Variants in SOCS2 observed in about 807,000 individuals in gnomAD.
SOCS2 encodes the protein suppressor of cytokine signaling 2, also known as CIS-2.
Under a neutral mutation model 18.6 loss-of-function variants are expected in SOCS2, and 10 were observed. That is an observed-to-expected ratio of 0.54 (90% CI 0.33 to 0.91). SOCS2 has a LOEUF of 0.91. SOCS2 is among the 40% of genes least tolerant of loss of function. The probability of loss-of-function intolerance (pLI) is 0.02; values close to 1 mark genes in which losing one functional copy is unlikely to be tolerated. For missense variants in SOCS2, 231 were observed against 247.2 expected (o/e 0.93, Z 0.44); for synonymous variants, 104 against 104.0 (o/e 1.00, Z 0.00).
chr12:93,616,875 C>A, the SOCS2 span, among the ~76,000 whole-genome samples: 2 of 152,188 alleles, frequency 1.3e-5, no homozygotes, highest in East Asian at 3.8e-4. Flanking sequence ...CTGGATGTTT[C>A]TTCTCGATTA....
chr12:93,588,876 CCTCCCAAAGTG>C, the SOCS2 span, among the ~76,000 whole-genome samples: 7 of 152,162 alleles, frequency 4.6e-5, no homozygotes, highest in Non-Finnish European at 1.0e-4. Context: ...CCCGCCTCGG[CCTCCCAAAGTG>C]CTGGGATTAC....
At chr12:93,596,663 A>G in the SOCS2 span, among the ~76,000 whole-genome samples, 1 of 152,224 alleles carries the variant, frequency 6.6e-6, no homozygotes, top group African/African-American at 2.4e-5. Flanking sequence ...CTCCGTCTCT[A>G]CTAAAAATAC....
chr12:93,609,590 GTAA>G, the SOCS2 span, among the ~76,000 whole-genome samples: 2 of 149,864 alleles, frequency 1.3e-5, no homozygotes, highest in Admixed American at 6.7e-5. Flanking sequence ...TTATTATTTG[GTAA>G]TAATAATTTG....
chr12:93,599,153 T>G, the SOCS2 span, among the ~76,000 whole-genome samples: 3 of 150,588 alleles, frequency 2.0e-5, no homozygotes, highest in African/African-American at 7.4e-5. Context: ...ATGTCCAGTT[T>G]GCTGTTGTGC....
In SOCS2 at chr12:93,575,397, G is replaced by A; in HGVS notation, c.*218G>A. On this transcript the variant is annotated 3_prime_UTR_variant, in exon 2 of 2. Transcript: ENST00000551556. ...GAGTGATGCTTCCCTTCCTAAGGCT[G>A]ACCAAGACCTGTTGATCCTTTTAGA... 3.0e-6 allele frequency: 1 copy of A among 332,946 alleles called. No homozygotes were observed. Among genetic ancestry groups the A allele is most frequent in the South Asian group, 9.1e-5 (1 of 10,966 alleles). The allele number at this position is 332,946 out of a possible 1,614,324, so 20.6% of individuals were successfully genotyped here.
At chr12:93,588,991 C>A in the SOCS2 span, among the ~76,000 whole-genome samples, 1 of 152,184 alleles carries the variant, frequency 6.6e-6, no homozygotes, top group Non-Finnish European at 1.5e-5. Context: ...ACCCCATTTC[C>A]TCCAGCAGTT....
the SOCS2 span, among the ~76,000 whole-genome samples, chr12:93,598,006 A>ACAAGG: frequency 6.6e-6 from 1 of 152,238 alleles, no homozygotes; most frequent in Non-Finnish European, 1.5e-5. Flanking sequence ...ATGGTAGTGA[A>ACAAGG]CAAGGCAAAT....
the SOCS2 span, among the ~76,000 whole-genome samples, chr12:93,612,012 C>G: frequency 6.6e-6 from 1 of 152,094 alleles, no homozygotes; most frequent in African/African-American, 2.4e-5. Flanking sequence ...CTCAGTCAGG[C>G]CTTGTCATTT....
the SOCS2 span, among the ~76,000 whole-genome samples, chr12:93,624,752 T>C: frequency 6.6e-6 from 1 of 151,958 alleles, no homozygotes; most frequent in Non-Finnish European, 1.5e-5. Context: ...ACCCATTAAG[T>C]TGCTCCCATT....
the SOCS2 span, among the ~76,000 whole-genome samples, chr12:93,615,060 G>A: frequency 2.6e-5 from 4 of 151,862 alleles, no homozygotes; most frequent in African/African-American, 9.7e-5. Flanking sequence ...TCTTTGGGAT[G>A]ACTTCTCTGA....
chr12:93,601,552 G>A, the SOCS2 span, among the ~76,000 whole-genome samples: 1 of 152,012 alleles, frequency 6.6e-6, no homozygotes, highest in Non-Finnish European at 1.5e-5. Context: ...CAAGTGATCT[G>A]CCCGCCTCAG....
the SOCS2 span, among the ~76,000 whole-genome samples, chr12:93,625,641 G>A: frequency 1.3e-5 from 2 of 151,454 alleles, no homozygotes; most frequent in South Asian, 2.1e-4. Flanking sequence ...TTAGCTACTC[G>A]GGAGGCTGAG....
chr12:93,604,061 G>A, the SOCS2 span, among the ~76,000 whole-genome samples: 1 of 152,138 alleles, frequency 6.6e-6, no homozygotes, highest in Non-Finnish European at 1.5e-5. Flanking sequence ...TTTCTATTTT[G>A]ACAGCTCTCA....
chr12:93,586,709 C>A (rs574768692), downstream of SOCS2, among the ~76,000 whole-genome samples: 231 of 152,224 alleles, frequency 1.5e-3, no homozygotes, highest in Non-Finnish European at 1.3e-3. Context: ...TCTACTCTAA[C>A]CCAGATTGAA....
At chr12:93,615,897 A>G in the SOCS2 span, among the ~76,000 whole-genome samples, 1 of 152,318 alleles carries the variant, frequency 6.6e-6, no homozygotes, top group South Asian at 2.1e-4. Flanking sequence ...AGCCTGGCCT[A>G]GAGTGTGAAA....
At chr12:93,620,655 C>T in the SOCS2 span, among the ~76,000 whole-genome samples, 11 of 152,080 alleles carry the variant, frequency 7.2e-5, no homozygotes, top group Admixed American at 6.6e-5. Context: ...CTCAGGTGAT[C>T]CACCCGCCTC....
the SOCS2 span, among the ~76,000 whole-genome samples, chr12:93,597,230 A>G: frequency 1.3e-5 from 2 of 152,234 alleles, no homozygotes; most frequent in East Asian, 3.8e-4. Flanking sequence ...AACTATCATT[A>G]CAAAGATCTC....
At chr12:93,593,679 C>A in the SOCS2 span, among the ~76,000 whole-genome samples, 2 of 152,096 alleles carry the variant, frequency 1.3e-5, no homozygotes, top group African/African-American at 4.8e-5. Context: ...TCCCAAATTA[C>A]CTGCTTATCT....
chr12:93,595,411 TTTG>T, the SOCS2 span, among the ~76,000 whole-genome samples: 3 of 152,196 alleles, frequency 2.0e-5, no homozygotes, highest in African/African-American at 7.2e-5. Flanking sequence ...TCTACCCTTC[TTTG>T]TTGTTCTGAT....
Sources: gnomAD v4.1 joint callset for allele counts (sites outside exome capture counted in the v4.1 genomes callset) on GRCh38, gnomAD v4.1.1 for gene constraint, MANE v1.5 for transcripts, NCBI Gene and HGNC (gene_info 2026-07-23, HGNC 2026-07-21) for gene names.